GALNT9: variants seen among roughly 807,000 people sequenced by gnomAD.
GALNT9 encodes polypeptide N-acetylgalactosaminyltransferase 9, also known as GalNAc transferase 9.
A neutral mutation model predicts 63.1 loss-of-function variants in GALNT9; 47 were observed. The ratio of observed to expected loss-of-function variants is 0.75; its 90% CI spans 0.59 to 0.95. GALNT9 has a LOEUF of 0.95. GALNT9 is among the 40% of genes least tolerant of loss of function. The pLI, the probability that GALNT9 is intolerant of heterozygous loss-of-function variation, is 0.00. For synonymous variants in GALNT9, 396 were observed against 365.7 expected, an observed-to-expected ratio of 1.08 and a Z score of -0.94; for missense variants, 829 against 874.8, an observed-to-expected ratio of 0.95 and a Z score of 0.66.
At chr12:132,325,067 CCTTGCTCTCCCAAGTT>C (rs1382030762) in intron 1 of GALNT9, among the ~76,000 whole-genome samples, 1 of 152,024 alleles carries the variant, frequency 6.6e-6, no homozygotes, top group Non-Finnish European at 1.5e-5. Flanking sequence ...CCACTTCAGA[CCTTGCTCTCCCAAGTT>C]CTTCCGGCGT....
In GALNT9 at chr12:132,265,464, C is replaced by T. The variant is rs1879561066; in HGVS notation, c.420-2839G>A. Among the ~76,000 whole-genome samples the T allele has an allele frequency of 6.6e-6, 1 of 152,190 alleles. No homozygotes were observed. The highest frequency in any genetic ancestry group is 2.4e-5 in the African/African-American group (1 of 41,444). On this transcript the variant is annotated intron_variant, in intron 2 of 10. Transcript: ENST00000328957. The surrounding 1 kb of genome is among the most constrained non-coding windows in gnomAD (Gnocchi z 5.3). ...CCTGTCCTCATGTGACTTATTGCAACTAGGATCTTTGCAGATGTAATTGAG... is the reference window on the plus strand; with the variant it reads ...CCTGTCCTCATGTGACTTATTGCAATTAGGATCTTTGCAGATGTAATTGAG...
At chr12:132,307,814 A>T (rs1881669072) in intron 1 of GALNT9, among the ~76,000 whole-genome samples, 1 of 152,154 alleles carries the variant, frequency 6.6e-6, no homozygotes, top group African/African-American at 2.4e-5. Context: ...AGCCTGGGCG[A>T]CAGAGTGAGA....
At chr12:132,239,769 G>A (rs1878172546) in intron 6 of GALNT9, among the ~76,000 whole-genome samples, 1 of 152,072 alleles carries the variant, frequency 6.6e-6, no homozygotes, top group Non-Finnish European at 1.5e-5. Context: ...GAGAGAATGA[G>A]GCAGAGACTG....
chr12:132,199,638 G>A (rs1875844043), intron 8 of GALNT9, among the ~76,000 whole-genome samples: 1 of 152,150 alleles, frequency 6.6e-6, no homozygotes, highest in Non-Finnish European at 1.5e-5. Context: ...TGCAGTCTAG[G>A]CTGGCCTTGG....
intron 1 of GALNT9, among the ~76,000 whole-genome samples, chr12:132,324,142 C>T (rs1555246329): frequency 6.6e-6 from 1 of 152,188 alleles, no homozygotes; most frequent in East Asian, 1.9e-4. Flanking sequence ...AAAGCGTTTC[C>T]AAAATGGAAA....
Position 132,329,019 on chromosome 12 carries a change from G to A in GALNT9, c.185C>T (p.Ala62Val). 1 of 1,543,962 alleles carries A rather than the reference G, an allele frequency of 6.5e-7. No homozygotes were observed. Among genetic ancestry groups the A allele is most frequent in the Non-Finnish European group, 8.7e-7 (1 of 1,145,740 alleles). ...AKVGTLGDRE[A>V]ILQRLDHLEE... ...CAGGTGGTCCAGGCGCTGCAGGATG[G>A]CCTCACGGTCCCCCAGCGTGCCCAC... The change falls in exon 1 of 11, where the codon GCC becomes GTC. Residue 62 changes from alanine to valine, a missense_variant. By Grantham distance (64) the Ala-to-Val change is moderately conservative (BLOSUM62 0). Coordinates refer to ENST00000328957, the MANE Select transcript of GALNT9 (RefSeq NM_001122636.2).
At chr12:132,204,027 A>C (rs1262801127) in intron 6 of GALNT9, among the ~76,000 whole-genome samples, 1 of 151,276 alleles carries the variant, frequency 6.6e-6, no homozygotes, top group Non-Finnish European at 1.5e-5. Context: ...TGTTCTGTGC[A>C]GGGAACCCCC....
intron 6 of GALNT9, chr12:132,205,926 G>C (rs148787681): frequency 6.6e-5 from 10 of 152,370 alleles, no homozygotes; most frequent in African/African-American, 2.2e-4. Flanking sequence ...GAAGCACCTC[G>C]GAGCCCTGCC....
rs1566006136 is a variant in GALNT9 at position 132,267,807 on chromosome 12, A to ACACAGACACACACATGCACT, written c.420-5183_420-5182insAGTGCATGTGTGTGTCTGTG. On this transcript the variant is annotated intron_variant, in intron 2 of 10. Coordinates refer to ENST00000328957, the MANE Select transcript of GALNT9 (RefSeq NM_001122636.2). Reference sequence around the variant, plus strand: ...CACACACACGCACTCACACGCACTCACACACGCACTCACACATGCAGTCAC... The same window carrying ACACAGACACACACATGCACT: ...CACACACACGCACTCACACGCACTCACACAGACACACACATGCACTCACACGCACTCACACATGCAGTCAC... Among the ~76,000 whole-genome samples, 16 of 151,184 alleles carry ACACAGACACACACATGCACT rather than the reference A, an allele frequency of 1.1e-4. No homozygotes were observed. In the Middle Eastern group the frequency reaches 0.017, roughly 161 times the overall value.
In GALNT9 at chr12:132,319,551, G is replaced by A. The variant is rs1321569221; in HGVS notation, c.238+9415C>T. ...GGGGCCTCTTGGTCTGCACAGTCACGGGAGCCAATCCTCACCCTACATCTC... is the reference window on the plus strand; with the variant it reads ...GGGGCCTCTTGGTCTGCACAGTCACAGGAGCCAATCCTCACCCTACATCTC... On this transcript the variant is annotated intron_variant, in intron 1 of 10. Transcript: ENST00000328957. This position sits in a 1 kb window ranked among gnomAD's most constrained non-coding sequence, Gnocchi z 5.2. 2.0e-5 allele frequency among the ~76,000 whole-genome samples: 3 copies of A among 152,264 alleles called. No homozygotes were observed. The highest frequency in any genetic ancestry group is 4.1e-4 in the South Asian group (2 of 4,820).
intron 6 of GALNT9, chr12:132,240,711 C>G (rs2136899281): frequency 3.3e-5 from 15 of 455,914 alleles, no homozygotes; most frequent in African/African-American, 2.8e-4. Flanking sequence ...CCTTATCTTG[C>G]TGGAACCCTT....
chr12:132,198,449 C>CTGGGGCTGGGG (rs1565979696), intron 9 of GALNT9, among the ~76,000 whole-genome samples: 5 of 96,564 alleles, frequency 5.2e-5, no homozygotes, highest in Admixed American at 4.0e-4. Context: ...TGGGGCTGGG[C>CTGGGGCTGGGG]CTGGGCCTGT....
intron 9 of GALNT9, 104 bp from the exon 10 acceptor site, chr12:132,198,063 C>T (rs1382382391): frequency 1.8e-5 from 18 of 974,154 alleles, no homozygotes; most frequent in East Asian, 1.6e-4. Flanking sequence ...CGGGGCCCTG[C>T]GCGGCTGCCT....
chr12:132,265,503 G>C lies in GALNT9; in HGVS notation c.420-2878C>G, dbSNP rs782707372. Among the ~76,000 whole-genome samples, 3 of 152,222 alleles carry C rather than the reference G, an allele frequency of 2.0e-5. No individual in the cohort carries two copies. The highest frequency in any genetic ancestry group is 6.5e-5 in the Admixed American group (1 of 15,284). On this transcript the variant is annotated intron_variant, in intron 2 of 10. Transcript: ENST00000328957. This position sits in a 1 kb window ranked among gnomAD's most constrained non-coding sequence, Gnocchi z 5.3. ...GATGTAATTGAGTTAGGGATCCTGA[G>C]ATGAGCTTGAGGCAGGATCGGTAGG...
At chr12:132,222,785 C>T (rs1877502416) in intron 6 of GALNT9, among the ~76,000 whole-genome samples, 1 of 151,680 alleles carries the variant, frequency 6.6e-6, no homozygotes, top group Admixed American at 6.6e-5. Flanking sequence ...GGAGGAGATA[C>T]GGACGCTATG....
Position 132,327,378 on chromosome 12 carries a change from C to G in GALNT9, c.238+1588G>C, listed in dbSNP as rs1869083846. Reference sequence around the variant, plus strand: ...GGATCATGGGTCCTGGCTTTTTCCACCACCAAGAATCCCAGCCGATTCTCA... The same window carrying G: ...GGATCATGGGTCCTGGCTTTTTCCAGCACCAAGAATCCCAGCCGATTCTCA... On this transcript the variant is annotated intron_variant, in intron 1 of 10. Coordinates refer to ENST00000328957, the MANE Select transcript of GALNT9 (RefSeq NM_001122636.2). This position sits in a 1 kb window ranked among gnomAD's most constrained non-coding sequence, Gnocchi z 4.3. Among the ~76,000 whole-genome samples, 1 of 152,006 alleles carries G rather than the reference C, an allele frequency of 6.6e-6. No individual in the cohort carries two copies. Among genetic ancestry groups the G allele is most frequent in the Non-Finnish European group, 1.5e-5 (1 of 68,014 alleles).
At chr12:132,287,125 C>T (rs910666691) in intron 1 of GALNT9, among the ~76,000 whole-genome samples, 1 of 140,594 alleles carries the variant, frequency 7.1e-6, no homozygotes, top group Non-Finnish European at 1.5e-5. Flanking sequence ...ATCGGCTCAT[C>T]GACGGTGACA....
At chr12:132,317,501 G>A (rs1483343140) in intron 1 of GALNT9, among the ~76,000 whole-genome samples, 1 of 152,242 alleles carries the variant, frequency 6.6e-6, no homozygotes, top group Non-Finnish European at 1.5e-5. Flanking sequence ...GAGACCTGCG[G>A]TTTTTATGAA....
At position 132,273,509 on chromosome 12, in the gene GALNT9, A is replaced by T. The variant is rs559646882; in HGVS notation, c.420-10884T>A. On this transcript the variant is annotated intron_variant, in intron 2 of 10. Coordinates refer to ENST00000328957, the MANE Select transcript of GALNT9 (RefSeq NM_001122636.2). ...CCAGGACCCACAGCCGGGACCCTGT[A>T]GGCTCCAGCAGCTCTGTGTGAGCAG... The T allele has an allele frequency of 7.9e-5, 12 of 152,616 alleles. 1 individual carries two copies. The highest frequency in any genetic ancestry group is 6.5e-4 in the Admixed American group (10 of 15,298). 9.5% of individuals were successfully genotyped at this position (152,616 alleles called of 1,614,324 possible). A position where few individuals can be genotyped will look rare whatever the true frequency, so the allele number is the denominator to read the frequency against.
Sources: allele counts gnomAD v4.1 joint callset (sites outside exome capture counted in the v4.1 genomes callset), GRCh38; gene constraint gnomAD v4.1.1; non-coding constraint Gnocchi (gnomAD v3.1); transcripts MANE v1.5; gene names NCBI Gene and HGNC (gene_info 2026-07-23, HGNC 2026-07-21).